Variants in ZNF362 observed in about 807,000 individuals in gnomAD.
ZNF362 encodes the protein rotund homolog.
In ZNF362, 11 loss-of-function variants were observed where a neutral mutation model predicts 42.9. That is an observed-to-expected ratio of 0.26 (90% CI 0.16 to 0.42). ZNF362 has a LOEUF of 0.42. Ranked by LOEUF, ZNF362 falls within the 20% of genes least tolerant of loss-of-function variation. The probability of loss-of-function intolerance (pLI) is 1.00; values close to 1 mark genes in which losing one functional copy is unlikely to be tolerated. For missense variants in ZNF362, 362 were observed against 576.2 expected (o/e 0.63, Z 3.81); for synonymous variants, 255 against 257.3 (o/e 0.99, Z 0.09).
chr1:33,174,276 G>A, the ZNF362 span, among the ~76,000 whole-genome samples: 1 of 152,000 alleles, frequency 6.6e-6, no homozygotes, highest in Non-Finnish European at 1.5e-5. Flanking sequence ...CAACCTCCTG[G>A]GCTCAAGTGA....
chr1:33,238,989 T>C, the ZNF362 span, among the ~76,000 whole-genome samples: 1 of 152,186 alleles, frequency 6.6e-6, no homozygotes, highest in African/African-American at 2.4e-5. Flanking sequence ...CATTTTGTTA[T>C]GGCAGCCCCA....
intron 4 of ZNF362, among the ~76,000 whole-genome samples, chr1:33,277,546 T>C (rs562686903): frequency 8.5e-5 from 13 of 152,268 alleles, no homozygotes; most frequent in African/African-American, 3.1e-4. Flanking sequence ...GTCTGGCTGC[T>C]AGGTGGAGAC....
At chr1:33,165,649 G>A in the ZNF362 span, 1 of 1,222,174 alleles carries the variant, frequency 8.2e-7, no homozygotes, top group Non-Finnish European at 1.1e-6. This position sits in a 1 kb window ranked among gnomAD's most constrained non-coding sequence, Gnocchi z 4.0. Flanking sequence ...AGGCGCTGGG[G>A]GTTAGCCTGG....
the ZNF362 span, among the ~76,000 whole-genome samples, chr1:33,213,367 G>T: frequency 6.6e-6 from 1 of 152,010 alleles, no homozygotes; most frequent in African/African-American, 2.4e-5. Flanking sequence ...TCTCAAAATT[G>T]TTCACTTTAA....
rs1000068851 is a variant in ZNF362 at position 33,280,536 on chromosome 1, C to T, written c.683+79C>T. On this transcript the variant is annotated intron_variant, in intron 5 of 8. Coordinates refer to ENST00000539719, the MANE Select transcript of ZNF362 (RefSeq NM_152493.3). This position sits in a 1 kb window ranked among gnomAD's most constrained non-coding sequence, Gnocchi z 5.6. Reference sequence around the variant, plus strand: ...CAGGGCTGCTCCAGGAGCCCAGCAGCGGGGCTGAAACAGGACCCTTAGGGC... The same window carrying T: ...CAGGGCTGCTCCAGGAGCCCAGCAGTGGGGCTGAAACAGGACCCTTAGGGC... The T allele has an allele frequency of 2.7e-6, 4 of 1,469,138 alleles. No individual in the cohort carries two copies. Among genetic ancestry groups the T allele is most frequent in the Non-Finnish European group, 3.6e-6 (4 of 1,104,808 alleles). The allele number at this position is 1,469,138 out of a possible 1,614,324, so 91.0% of individuals were successfully genotyped here.
chr1:33,295,353 T>C, intron 8 of ZNF362, 48 bp downstream of exon 8: 8 of 1,594,224 alleles, frequency 5.0e-6, no homozygotes, highest in Non-Finnish European at 6.8e-6. Context: ...CCACTTCGTC[T>C]TCCAGGCCTC....
chr1:33,294,520 T>C lies in ZNF362; in HGVS notation c.909-417T>C, dbSNP rs1192734683. ...CTGGGGCCAATTAGAGGGAGATGTC[T>C]CCTTCTTCTTAGGGAAGGAGGCTGG... On this transcript the variant is annotated intron_variant, in intron 6 of 8. Transcript: ENST00000539719. This position sits in a 1 kb window ranked among gnomAD's most constrained non-coding sequence, Gnocchi z 4.2. Among the ~76,000 whole-genome samples, 1 of 152,134 alleles carries C rather than the reference T, an allele frequency of 6.6e-6. No homozygotes were observed. Among genetic ancestry groups the C allele is most frequent in the Non-Finnish European group, 1.5e-5 (1 of 68,028 alleles).
chr1:33,145,758 C>A, the ZNF362 span: 1 of 423,800 alleles, frequency 2.4e-6, no homozygotes. Flanking sequence ...AGGGGCAGGA[C>A]AACCCTAGAT....
At chr1:33,211,328 G>T in the ZNF362 span, among the ~76,000 whole-genome samples, 12 of 152,246 alleles carry the variant, frequency 7.9e-5, no homozygotes, top group Admixed American at 7.8e-4. Context: ...TTTCTTCATA[G>T]CGTTGATGGT....
At chr1:33,187,791 A>C in the ZNF362 span, among the ~76,000 whole-genome samples, 1 of 152,162 alleles carries the variant, frequency 6.6e-6, no homozygotes, top group African/African-American at 2.4e-5. Flanking sequence ...ACAGAGCCTA[A>C]AGCTTTGGCA....
chr1:33,218,351 G>A, the ZNF362 span, among the ~76,000 whole-genome samples: 3 of 152,166 alleles, frequency 2.0e-5, no homozygotes, highest in African/African-American at 7.2e-5. Context: ...TGAGGCAGGA[G>A]GATGACTTGA....
the ZNF362 span, among the ~76,000 whole-genome samples, chr1:33,131,430 C>T: frequency 1.3e-5 from 2 of 152,188 alleles, no homozygotes; most frequent in African/African-American, 4.8e-5. Flanking sequence ...GTTATGTTAG[C>T]CACCGGCTTC....
At chr1:33,220,351 C>T in the ZNF362 span, among the ~76,000 whole-genome samples, 5 of 152,172 alleles carry the variant, frequency 3.3e-5, no homozygotes, top group African/African-American at 9.7e-5. Context: ...TCCTGCTAAA[C>T]TCTTTACAAG....
At chr1:33,212,429 G>A in the ZNF362 span, among the ~76,000 whole-genome samples, 2 of 152,120 alleles carry the variant, frequency 1.3e-5, no homozygotes, top group African/African-American at 4.8e-5. Flanking sequence ...TCCACTTCTA[G>A]GTACCTATAT....
chr1:33,273,811 G>C (rs1424712394), intron 2 of ZNF362, among the ~76,000 whole-genome samples: 1 of 152,232 alleles, frequency 6.6e-6, no homozygotes, highest in Non-Finnish European at 1.5e-5. Flanking sequence ...AGTGGGCACA[G>C]AAGAGCTTTG....
chr1:33,238,793 A>C, the ZNF362 span, among the ~76,000 whole-genome samples: 7 of 151,990 alleles, frequency 4.6e-5, no homozygotes, highest in Admixed American at 1.3e-4. Flanking sequence ...TGAGCGTTCT[A>C]TCTCTCCCTC....
intron 2 of ZNF362, among the ~76,000 whole-genome samples, chr1:33,273,627 C>A (rs1645921923): frequency 6.6e-6 from 1 of 152,156 alleles, no homozygotes; most frequent in South Asian, 2.1e-4. Flanking sequence ...GAGGAGGAAA[C>A]CTGAGGCTTA....
the ZNF362 span, among the ~76,000 whole-genome samples, chr1:33,128,205 A>G: frequency 1.6e-5 from 2 of 123,244 alleles, no homozygotes; most frequent in South Asian, 2.2e-4. Context: ...CACCTCTCCA[A>G]AAAAAAAAAA....
the ZNF362 span, among the ~76,000 whole-genome samples, chr1:33,203,764 G>A: frequency 6.6e-6 from 1 of 152,096 alleles, no homozygotes; most frequent in African/African-American, 2.4e-5. Context: ...CCATTTTAAT[G>A]TCTTCTTTGA....
Sources: gnomAD v4.1 joint callset for allele counts (sites outside exome capture counted in the v4.1 genomes callset) on GRCh38, gnomAD v4.1.1 for gene constraint, Gnocchi (gnomAD v3.1) non-coding constraint, MANE v1.5 for transcripts, NCBI Gene and HGNC (gene_info 2026-07-23, HGNC 2026-07-21) for gene names.